The following CUX2 variants were observed in gnomAD, a reference collection of about 807,000 sequenced individuals.
CUX2 encodes homeobox protein cut-like 2.
CUX2 carries 40 observed loss-of-function variants against 144.8 expected under a neutral mutation model. That is an observed-to-expected ratio of 0.28 (90% CI 0.21 to 0.36). CUX2 has a LOEUF of 0.36. CUX2 is among the 10% of genes least tolerant of loss of function. The probability of loss-of-function intolerance (pLI) is 1.00; values close to 1 mark genes in which losing one functional copy is unlikely to be tolerated. For missense variants in CUX2, 1,615 were observed against 1,994.0 expected, an observed-to-expected ratio of 0.81 and a Z score of 3.62; for synonymous variants, 827 against 875.6, an observed-to-expected ratio of 0.94 and a Z score of 0.98.
intron 1 of CUX2, among the ~76,000 whole-genome samples, chr12:111,134,909 C>T (rs563273084): frequency 4.0e-4 from 61 of 152,214 alleles, no homozygotes; most frequent in South Asian, 8.3e-4. Context: ...TCTAAACACA[C>T]GGTACATGTG....
chr12:111,053,357 A>C (rs1179659873), intron 1 of CUX2, among the ~76,000 whole-genome samples: 1 of 152,190 alleles, frequency 6.6e-6, no homozygotes, highest in East Asian at 1.9e-4. Context: ...TCCCAGTGTC[A>C]TCTCTGGGGC....
intron 3 of CUX2, among the ~76,000 whole-genome samples, chr12:111,244,389 G>C (rs1262609094): frequency 6.6e-6 from 1 of 152,216 alleles, no homozygotes; most frequent in African/African-American, 2.4e-5. Context: ...CGTCCTCTGG[G>C]AAGCCCAGCT....
intron 21 of CUX2, among the ~76,000 whole-genome samples, chr12:111,342,942 G>A (rs1364214098): frequency 8.7e-6 from 1 of 114,844 alleles, no homozygotes; most frequent in Non-Finnish European, 1.6e-5. Flanking sequence ...CTGGGCAACA[G>A]AGTGAGACTA....
At chr12:111,058,589 CAGAG>C (rs561854349) in intron 1 of CUX2, among the ~76,000 whole-genome samples, 14 of 151,292 alleles carry the variant, frequency 9.3e-5, no homozygotes, top group Admixed American at 9.2e-4. Flanking sequence ...GAGAGAGAGA[CAGAG>C]AGGGAGCAAT....
chr12:111,237,253 G>A (rs142796458), intron 3 of CUX2, among the ~76,000 whole-genome samples: 14 of 152,314 alleles, frequency 9.2e-5, no homozygotes, highest in African/African-American at 3.1e-4. Context: ...GCTTGACCCC[G>A]ATTTATCCCA....
intron 3 of CUX2, among the ~76,000 whole-genome samples, chr12:111,261,563 A>G (rs987087768): frequency 5.9e-5 from 9 of 152,080 alleles, no homozygotes; most frequent in Non-Finnish European, 2.9e-5. Flanking sequence ...ACTCAATTGC[A>G]TGTCCCCAGA....
At chr12:111,339,351 G>C (rs1888487450) in intron 20 of CUX2, among the ~76,000 whole-genome samples, 2 of 152,090 alleles carry the variant, frequency 1.3e-5, no homozygotes, top group South Asian at 4.1e-4. Flanking sequence ...AAAACTCTGT[G>C]TACCTCCCTC....
In CUX2 at chr12:111,315,966, A is replaced by G. The variant is rs188954912; in HGVS notation, c.2002+3765A>G. ...GCGATGCATGTAGTTTAGAAAACAGACTGGAAGGGAATACATGAGAATATT... is the reference window on the plus strand; with the variant it reads ...GCGATGCATGTAGTTTAGAAAACAGGCTGGAAGGGAATACATGAGAATATT... On this transcript the variant is annotated intron_variant, in intron 16 of 21. Transcript: ENST00000261726. Among the ~76,000 whole-genome samples, 6 of 152,328 alleles carry G rather than the reference A, an allele frequency of 3.9e-5. No individual in the cohort carries two copies. The East Asian group carries it at 9.6e-4, about 24-fold the overall frequency.
intron 16 of CUX2, among the ~76,000 whole-genome samples, chr12:111,317,544 G>C (rs1887262558): frequency 6.6e-6 from 1 of 152,074 alleles, no homozygotes; most frequent in African/African-American, 2.4e-5. Context: ...ACTGAGATCT[G>C]GCATTTTCCT....
At chr12:111,257,824 C>A (rs992267119) in intron 3 of CUX2, among the ~76,000 whole-genome samples, 2 of 151,826 alleles carry the variant, frequency 1.3e-5, no homozygotes, top group Non-Finnish European at 2.9e-5. Flanking sequence ...TTCCACATGG[C>A]CTTCAAGGGT....
At position 111,263,855 on chromosome 12, in the gene CUX2, G is replaced by C; in HGVS notation, c.301+16G>C. The C allele has an allele frequency of 5.0e-6, 8 of 1,606,986 alleles. No individual in the cohort carries two copies. The highest frequency in any genetic ancestry group is 6.8e-6 in the Non-Finnish European group (8 of 1,173,588). ...GAAGCACCAGGTAAGAAATGCTTGG[G>C]CTCCGTAATTGAATAGTTAACGACA... On this transcript the variant is annotated intron_variant, in intron 4 of 21. Coordinates refer to ENST00000261726, the MANE Select transcript of CUX2 (RefSeq NM_015267.4). The surrounding 1 kb of genome is among the most constrained non-coding windows in gnomAD (Gnocchi z 4.0).
At chr12:111,226,057 C>T (rs1265212881) in intron 3 of CUX2, among the ~76,000 whole-genome samples, 1 of 152,218 alleles carries the variant, frequency 6.6e-6, no homozygotes, top group Non-Finnish European at 1.5e-5. Context: ...AATTCTGGTG[C>T]CTCAGTCTCC....
intron 1 of CUX2, among the ~76,000 whole-genome samples, chr12:111,209,911 G>T (rs1165721085): frequency 6.6e-6 from 1 of 152,192 alleles, no homozygotes; most frequent in Non-Finnish European, 1.5e-5. Flanking sequence ...TGTTTATGAT[G>T]ATCATTATTT....
intron 1 of CUX2, among the ~76,000 whole-genome samples, chr12:111,139,300 A>C (rs941717227): frequency 8.5e-5 from 13 of 152,108 alleles, no homozygotes; most frequent in African/African-American, 3.1e-4. Flanking sequence ...GTGGTCCACA[A>C]GTGCTCAATA....
intron 21 of CUX2, among the ~76,000 whole-genome samples, chr12:111,344,671 A>G (rs1355014113): frequency 6.6e-6 from 1 of 152,012 alleles, no homozygotes; most frequent in Non-Finnish European, 1.5e-5. Flanking sequence ...TTTTGGAGGG[A>G]TTGGAGGGGA....
intron 1 of CUX2, among the ~76,000 whole-genome samples, chr12:111,175,309 GT>G (rs775039553): frequency 2.8e-5 from 4 of 144,542 alleles, no homozygotes; most frequent in Non-Finnish European, 1.5e-5. Flanking sequence ...AACATTTAAG[GT>G]TTTTTTTACC....
chr12:111,347,793 A>G lies in CUX2; in HGVS notation c.3929A>G (p.Glu1310Gly), dbSNP rs555556704. Residue 1310 changes from glutamate to glycine, a missense_variant, in exon 22 of 22, where the codon GAG becomes GGG. This residue lies in a region of CUX2 where 298 missense variants were observed against 330.4 expected (regional missense o/e 0.90). Transcript: ENST00000261726. Reference protein sequence around the residue: ...QEQMEEDAEEEAGSQPQDSGE... With the variant: ...QEQMEEDAEEGAGSQPQDSGE... ...CAGATGGAGGAGGATGCTGAGGAAGAGGCAGGCAGCCAGCCCCAGGACTCA... is the reference window on the plus strand; with the variant it reads ...CAGATGGAGGAGGATGCTGAGGAAGGGGCAGGCAGCCAGCCCCAGGACTCA... The G allele has an allele frequency of 1.9e-6, 3 of 1,613,922 alleles. No individual in the cohort carries two copies. The East Asian group carries it at 6.7e-5, about 36-fold the overall frequency.
At chr12:111,240,711 G>A (rs910306918) in intron 3 of CUX2, among the ~76,000 whole-genome samples, 2 of 152,156 alleles carry the variant, frequency 1.3e-5, no homozygotes, top group African/African-American at 4.8e-5. Flanking sequence ...GCCTTGGATG[G>A]AGTCCAGTCT....
chr12:111,148,700 A>T (rs1304194830), intron 1 of CUX2, among the ~76,000 whole-genome samples: 1 of 152,182 alleles, frequency 6.6e-6, no homozygotes, highest in Middle Eastern at 3.2e-3. Flanking sequence ...GATACTATTA[A>T]GAAGTAGGTA....
Sources: allele counts gnomAD v4.1 joint callset (sites outside exome capture counted in the v4.1 genomes callset), GRCh38; gene constraint gnomAD v4.1.1; regional missense constraint gnomAD v4.1.1; non-coding constraint Gnocchi (gnomAD v3.1); transcripts MANE v1.5; gene names NCBI Gene and HGNC (gene_info 2026-07-23, HGNC 2026-07-21).